GLT1D1: variants seen among roughly 807,000 people sequenced by gnomAD.
GLT1D1 encodes glycosyltransferase 1 domain containing 1.
A neutral mutation model predicts 28.7 loss-of-function variants in GLT1D1; 21 were observed. The ratio of observed to expected loss-of-function variants is 0.73; its 90% CI spans 0.52 to 1.05. GLT1D1 has a LOEUF of 1.05. GLT1D1 is among the 50% of genes least tolerant of loss of function. GLT1D1 has a pLI of 0.00. For synonymous variants in GLT1D1, 147 were observed against 124.8 expected (o/e 1.18, Z -1.19); for missense variants, 343 against 330.6 (o/e 1.04, Z -0.29).
At chr12:128,945,197 A>T (rs1875896932) in intron 4 of GLT1D1, 129 bp from the exon 9 acceptor site, 1 of 909,586 alleles carries the variant, frequency 1.1e-6, no homozygotes, top group Non-Finnish European at 1.8e-6. Context: ...AGCCGCGAGG[A>T]CACCCCCGTG....
At chr12:128,854,479 C>G (rs1196661742) in intron 1 of GLT1D1, among the ~76,000 whole-genome samples, 1 of 150,846 alleles carries the variant, frequency 6.6e-6, no homozygotes, top group Non-Finnish European at 1.5e-5. Context: ...ATTTACTTCC[C>G]TTCTGTGGGC....
At chr12:128,861,086 C>T (rs1193485364) in intron 1 of GLT1D1, among the ~76,000 whole-genome samples, 2 of 151,938 alleles carry the variant, frequency 1.3e-5, no homozygotes, top group East Asian at 1.9e-4. Context: ...GGGTGCCCCC[C>T]GTTATGCTAA....
chr12:128,942,814 G>A (rs1409309060), intron 4 of GLT1D1, among the ~76,000 whole-genome samples: 2 of 147,800 alleles, frequency 1.4e-5, no homozygotes, highest in East Asian at 2.0e-4. Flanking sequence ...GCGGTGGCAC[G>A]ATCTAGGCTC....
chr12:128,867,904 T>C (rs1280632286), intron 1 of GLT1D1, among the ~76,000 whole-genome samples: 2 of 152,070 alleles, frequency 1.3e-5, no homozygotes, highest in Non-Finnish European at 2.9e-5. Context: ...AATGGAAGGA[T>C]TGAGGGGATG....
intron 4 of GLT1D1, 117 bp downstream of exon 6, chr12:128,915,106 A>T (rs1871970372): frequency 1.3e-6 from 1 of 767,570 alleles, no homozygotes; most frequent in East Asian, 2.7e-5. Context: ...AACAAGGTTC[A>T]TTTCCCTCTG....
At chr12:128,899,027 C>A (rs1456923028) in intron 3 of GLT1D1, among the ~76,000 whole-genome samples, 1 of 152,178 alleles carries the variant, frequency 6.6e-6, no homozygotes, top group Non-Finnish European at 1.5e-5. Context: ...TTTTGAGCTT[C>A]GTTTGGTTTA....
intron 2 of GLT1D1, among the ~76,000 whole-genome samples, chr12:128,880,445 A>C (rs1957006410): frequency 6.6e-6 from 1 of 152,210 alleles, no homozygotes; most frequent in Non-Finnish European, 1.5e-5. Context: ...ATGGAAATTA[A>C]ACTGTATTTA....
intron 7 of GLT1D1, among the ~76,000 whole-genome samples, chr12:128,963,922 T>A (rs577591774): frequency 4.1e-4 from 62 of 152,344 alleles, no homozygotes; most frequent in South Asian, 3.9e-3. Context: ...CCTGTCTTAG[T>A]CTGTTCCGGC....
intron 6 of GLT1D1, among the ~76,000 whole-genome samples, chr12:128,954,467 C>A (rs886120503): frequency 1.3e-5 from 2 of 152,022 alleles, no homozygotes; most frequent in Admixed American, 1.3e-4. Flanking sequence ...TGCTTTATCT[C>A]GAGGTCTGGT....
intron 4 of GLT1D1, chr12:128,926,447 AT>A: frequency 2.0e-6 from 3 of 1,510,754 alleles, no homozygotes; most frequent in Non-Finnish European, 1.8e-6. Context: ...TGGTGGACGC[AT>A]TTTCAGGTGT....
intron 1 of GLT1D1, among the ~76,000 whole-genome samples, chr12:128,873,079 A>G (rs1956740064): frequency 6.6e-6 from 1 of 152,062 alleles, no homozygotes; most frequent in South Asian, 2.1e-4. Context: ...AATTTTTTGT[A>G]GAGACAGAGT....
At chr12:128,973,936 A>C (rs1196570792) in intron 7 of GLT1D1, among the ~76,000 whole-genome samples, 2 of 43,162 alleles carry the variant, frequency 4.6e-5, no homozygotes, top group African/African-American at 2.0e-4. Flanking sequence ...GTGTGTGTGT[A>C]GGGTGTGTGT....
chr12:128,939,777 C>G (rs1193418197), intron 4 of GLT1D1, among the ~76,000 whole-genome samples: 2 of 150,728 alleles, frequency 1.3e-5, no homozygotes, highest in Non-Finnish European at 2.9e-5. Context: ...TTTAAACAGC[C>G]AAATCTCCTG....
intron 4 of GLT1D1, chr12:128,944,857 T>A (rs1052017409): frequency 1.6e-5 from 5 of 309,774 alleles, no homozygotes; most frequent in Admixed American, 4.6e-5. Context: ...TGCAGGTTTG[T>A]TACATAGGTA....
chr12:128,891,299 G>C (rs917767102), intron 3 of GLT1D1, among the ~76,000 whole-genome samples: 2 of 152,032 alleles, frequency 1.3e-5, no homozygotes, highest in Non-Finnish European at 2.9e-5. Context: ...GGGCTTCCTC[G>C]GGGTTTGGCT....
intron 6 of GLT1D1, among the ~76,000 whole-genome samples, chr12:128,953,145 T>A (rs1468297880): frequency 6.6e-6 from 1 of 152,170 alleles, no homozygotes; most frequent in Non-Finnish European, 1.5e-5. Context: ...AACTATCTAG[T>A]CAAACCCCTT....
chr12:128,922,045 C>A (rs957592703), intron 4 of GLT1D1, among the ~76,000 whole-genome samples: 3 of 151,684 alleles, frequency 2.0e-5, no homozygotes, highest in Non-Finnish European at 2.9e-5. Flanking sequence ...ATAGACATTC[C>A]ATGCACATCA....
chr12:128,974,366 G>A (rs1361491818), intron 7 of GLT1D1, among the ~76,000 whole-genome samples: 1 of 152,058 alleles, frequency 6.6e-6, no homozygotes, highest in Non-Finnish European at 1.5e-5. Flanking sequence ...CACTAACCCT[G>A]CATCGTGCAT....
At chr12:128,938,117 G>C (rs938846161) in intron 4 of GLT1D1, among the ~76,000 whole-genome samples, 1 of 152,182 alleles carries the variant, frequency 6.6e-6, no homozygotes, top group Non-Finnish European at 1.5e-5. Context: ...GCCTGAATGT[G>C]AATACTGGCT....
Sources: allele counts gnomAD v4.1 joint callset (sites outside exome capture counted in the v4.1 genomes callset), GRCh38; gene constraint gnomAD v4.1.1; transcripts MANE v1.5; gene names NCBI Gene and HGNC (gene_info 2026-07-23, HGNC 2026-07-21).